Variants in GRIK3 observed in about 807,000 individuals in gnomAD.
GRIK3 encodes glutamate receptor ionotropic, kainate 3.
GRIK3 carries 29 observed loss-of-function variants against 102.5 expected under a neutral mutation model. The ratio of observed to expected loss-of-function variants is 0.28; its 90% CI spans 0.21 to 0.39. GRIK3 has a LOEUF of 0.39. Among genes scored for constraint, GRIK3 ranks in the 10% least tolerant of loss-of-function variants. GRIK3 has a pLI of 1.00. For synonymous variants in GRIK3, 511 were observed against 504.9 expected (o/e 1.01, Z -0.16); for missense variants, 908 against 1,252.4 (o/e 0.73, Z 4.15).
intron 1 of GRIK3, among the ~76,000 whole-genome samples, chr1:36,938,327 C>G (rs1382275751): frequency 6.6e-6 from 1 of 152,166 alleles, no homozygotes; most frequent in Non-Finnish European, 1.5e-5. Context: ...GAGGTACATT[C>G]CCATAAAAAG....
At chr1:36,846,717 C>T (rs1176277554) in intron 9 of GRIK3, among the ~76,000 whole-genome samples, 2 of 152,216 alleles carry the variant, frequency 1.3e-5, no homozygotes, top group African/African-American at 4.8e-5. Context: ...TCCCAAAGAG[C>T]CCAAGCCTGA....
chr1:36,818,970 G>A (rs1009015376), intron 12 of GRIK3, among the ~76,000 whole-genome samples: 1 of 152,142 alleles, frequency 6.6e-6, no homozygotes, highest in Non-Finnish European at 1.5e-5. Flanking sequence ...ACCAGGGGGC[G>A]GTGTCCTTTC....
intron 1 of GRIK3, among the ~76,000 whole-genome samples, chr1:37,011,929 G>A (rs79662898): frequency 0.026 from 3,991 of 152,204 alleles, 185 homozygotes; most frequent in African/African-American, 0.09. Flanking sequence ...CTTTTTGGGG[G>A]GACGTGGGCA....
intron 1 of GRIK3, among the ~76,000 whole-genome samples, chr1:36,967,585 GA>G (rs1424938057): frequency 2.0e-5 from 3 of 152,206 alleles, no homozygotes; most frequent in African/African-American, 7.2e-5. Context: ...AAGTAAGATG[GA>G]AAACCAGGTA....
intron 1 of GRIK3, among the ~76,000 whole-genome samples, chr1:37,014,610 T>A (rs1033894888): frequency 6.6e-6 from 1 of 152,178 alleles, no homozygotes; most frequent in Non-Finnish European, 1.5e-5. Flanking sequence ...TCTTAAGCAT[T>A]TTATGGTACT....
intron 1 of GRIK3, among the ~76,000 whole-genome samples, chr1:36,904,018 C>T (rs1221039312): frequency 6.6e-6 from 1 of 152,102 alleles, no homozygotes; most frequent in Non-Finnish European, 1.5e-5. Context: ...ACAAATGTAC[C>T]TCTCTGGTGG....
At chr1:36,999,963 C>T (rs1398463973) in intron 1 of GRIK3, among the ~76,000 whole-genome samples, 1 of 152,150 alleles carries the variant, frequency 6.6e-6, no homozygotes, top group Non-Finnish European at 1.5e-5. Flanking sequence ...CACCATTGCA[C>T]TCCAGCCTGG....
At chr1:36,983,679 G>A (rs916491030) in intron 1 of GRIK3, among the ~76,000 whole-genome samples, 1 of 152,068 alleles carries the variant, frequency 6.6e-6, no homozygotes, top group Non-Finnish European at 1.5e-5. Flanking sequence ...ATCCCATGAT[G>A]CTCATGGGGG....
intron 10 of GRIK3, among the ~76,000 whole-genome samples, chr1:36,836,224 G>A (rs1301619228): frequency 6.6e-6 from 1 of 152,252 alleles, no homozygotes; most frequent in African/African-American, 2.4e-5. Flanking sequence ...ACTCAGATCT[G>A]CTTCTGGTTA....
At chr1:36,918,979 C>T (rs747504973) in intron 1 of GRIK3, among the ~76,000 whole-genome samples, 2 of 152,252 alleles carry the variant, frequency 1.3e-5, no homozygotes, top group South Asian at 2.1e-4. Flanking sequence ...AGCAAACATG[C>T]TCCCTGCCTT....
chr1:36,914,730 C>T (rs1641381101), intron 1 of GRIK3, among the ~76,000 whole-genome samples: 1 of 152,164 alleles, frequency 6.6e-6, no homozygotes, highest in Non-Finnish European at 1.5e-5. Flanking sequence ...CCCAACGGGC[C>T]CCACCAAATG....
chr1:36,927,864 G>A (rs1009078859), intron 1 of GRIK3, among the ~76,000 whole-genome samples: 4 of 152,000 alleles, frequency 2.6e-5, no homozygotes, highest in East Asian at 3.9e-4. Flanking sequence ...TTGGAGACCC[G>A]GAGCCCCGGC....
At chr1:36,886,357 A>G (rs1641037199) in intron 2 of GRIK3, among the ~76,000 whole-genome samples, 1 of 152,180 alleles carries the variant, frequency 6.6e-6, no homozygotes, top group East Asian at 1.9e-4. Context: ...GGGAAAATGA[A>G]TTATTTCTGG....
At chr1:36,835,391 C>T (rs1640365136) in intron 10 of GRIK3, among the ~76,000 whole-genome samples, 1 of 152,244 alleles carries the variant, frequency 6.6e-6, no homozygotes, top group African/African-American at 2.4e-5. Context: ...GTTTTCCCTT[C>T]CTCTGTTTAC....
intron 5 of GRIK3, among the ~76,000 whole-genome samples, chr1:36,865,046 A>C (rs1206695070): frequency 6.6e-6 from 1 of 152,216 alleles, no homozygotes; most frequent in Non-Finnish European, 1.5e-5. Context: ...CATGGGTCTG[A>C]ATGGGTAGGA....
chr1:36,807,025 A>T (rs1373688846), intron 13 of GRIK3, among the ~76,000 whole-genome samples: 1 of 152,072 alleles, frequency 6.6e-6, no homozygotes, highest in South Asian at 2.1e-4. Context: ...CTACTTCATT[A>T]CTGTGAGGAA....
chr1:37,019,595 T>A (rs1642688977), intron 1 of GRIK3, among the ~76,000 whole-genome samples: 1 of 152,158 alleles, frequency 6.6e-6, no homozygotes. Flanking sequence ...AGGAGTGCTG[T>A]TTCATTGCCC....
At chr1:36,910,967 A>G (rs898013915) in intron 1 of GRIK3, among the ~76,000 whole-genome samples, 7 of 152,072 alleles carry the variant, frequency 4.6e-5, no homozygotes, top group Non-Finnish European at 7.3e-5. Flanking sequence ...CACTGGGGAG[A>G]CTCAGAGGAG....
At chr1:36,840,101 G>A (rs930611182) in intron 10 of GRIK3, among the ~76,000 whole-genome samples, 25 of 152,142 alleles carry the variant, frequency 1.6e-4, no homozygotes, top group Admixed American at 1.4e-3. Flanking sequence ...ACAGGGCTAC[G>A]AGGCAGGGAG....
Sources: allele counts gnomAD v4.1 joint callset (sites outside exome capture counted in the v4.1 genomes callset), GRCh38; gene constraint gnomAD v4.1.1; transcripts MANE v1.5; gene names NCBI Gene and HGNC (gene_info 2026-07-23, HGNC 2026-07-21).